The following FADS2 variants were observed in gnomAD, a reference collection of about 807,000 sequenced individuals.
The protein encoded by FADS2 is acyl-CoA 6-desaturase.
In FADS2, 18 loss-of-function variants were observed where a neutral mutation model predicts 61.2. The ratio of observed to expected loss-of-function variants is 0.29; its 90% CI spans 0.20 to 0.44. The LOEUF (loss-of-function observed/expected upper bound fraction) is 0.44, where lower values mean the gene tolerates loss of function less well. Ranked by LOEUF, FADS2 falls within the 20% of genes least tolerant of loss-of-function variation. FADS2 has a pLI of 1.00. For missense variants in FADS2, 322 were observed against 572.7 expected (o/e 0.56, Z 4.47); for synonymous variants, 203 against 223.9 (o/e 0.91, Z 0.83).
intron 10 of FADS2, among the ~76,000 whole-genome samples, chr11:61,864,520 C>T (rs1006748551): frequency 6.6e-6 from 1 of 152,052 alleles, no homozygotes; most frequent in Non-Finnish European, 1.5e-5. Context: ...CAGCCTCCCA[C>T]GTAGCTGGGA....
At chr11:61,861,985 G>A (rs1423710124) in intron 7 of FADS2, 1 of 152,278 alleles carries the variant, frequency 6.6e-6, no homozygotes, top group African/African-American at 2.4e-5. Flanking sequence ...CGTTTGAAGT[G>A]AGACAGGGCA....
At position 61,845,030 on chromosome 11, in the gene FADS2, C is replaced by CTTT. The variant is rs71046747; in HGVS notation, c.619-3100_619-3098dup. On this transcript the variant is annotated intron_variant, in intron 4 of 11. Coordinates refer to ENST00000278840, the MANE Select transcript of FADS2 (RefSeq NM_004265.4). ...TGTTTCCATTAAAGCCAGAAGTGCA[C>CTTT]TTTTTTTTTTTTTTTTTTTTTTTTT... Among the ~76,000 whole-genome samples the CTTT allele has an allele frequency of 9.5e-4, 42 of 44,164 alleles. 15 individuals are homozygous for CTTT. The highest frequency in any genetic ancestry group is 3.4e-3 in the African/African-American group (39 of 11,492). The allele number at this position is 44,164 out of a possible 152,430, so 29.0% of individuals were successfully genotyped here.
At chr11:61,840,790 T>C in intron 4 of FADS2, 65 bp downstream of exon 4, 1 of 1,217,106 alleles carries the variant, frequency 8.2e-7, no homozygotes. Context: ...GGACCAGGAT[T>C]CCTCTCTGCT....
Position 61,828,549 on chromosome 11 carries a change from C to T in FADS2, c.159C>T (p.His53=). The change falls in exon 1 of 12, where the codon CAC becomes CAT. Residue 53 remains histidine, a synonymous_variant. Transcript: ENST00000278840. This position sits in a 1 kb window ranked among gnomAD's most constrained non-coding sequence, Gnocchi z 6.4. ...VYNITKWSIQ[H]PGGQRVIGHY... is the part of the protein sequence containing the mutation. ...ACATCACCAAATGGTCCATCCAGCA[C>T]CCGGGGGGCCAGCGGGTCATCGGGC... 6.2e-7 allele frequency: 1 copy of T among 1,614,028 alleles called. No homozygotes were observed. The highest frequency in any genetic ancestry group is 1.1e-5 in the South Asian group (1 of 91,044).
intron 5 of FADS2, among the ~76,000 whole-genome samples, chr11:61,852,075 T>G (rs912580338): frequency 3.3e-5 from 5 of 152,166 alleles, no homozygotes; most frequent in Non-Finnish European, 7.3e-5. Context: ...TGAGGTGGCA[T>G]TGCTTCTTCA....
At chr11:61,861,694 A>G (rs174617) in intron 7 of FADS2, among the ~76,000 whole-genome samples, 78,206 of 152,138 alleles carry the variant, frequency 0.51, 20,871 homozygotes, top group Admixed American at 0.62. Context: ...GGCCATCTCC[A>G]GCCTCTCCTG....
chr11:61,850,233 T>A (rs2067294071), intron 5 of FADS2, among the ~76,000 whole-genome samples: 1 of 152,032 alleles, frequency 6.6e-6, no homozygotes, highest in South Asian at 2.1e-4. Context: ...CAGTAGTTCA[T>A]AATTTCTTTC....
In FADS2 at chr11:61,828,313, T is replaced by C; in HGVS notation, c.-78T>C. On this transcript the variant is annotated 5_prime_UTR_variant, in exon 1 of 12. Transcript: ENST00000278840. This position sits in a 1 kb window ranked among gnomAD's most constrained non-coding sequence, Gnocchi z 6.4. ...GAGGGCCCGGGCTGCACACACCGGC[T>C]GGGAGGCAGCCGTCTGTGCAGCGAG... 1 of 1,520,828 alleles carries C rather than the reference T, an allele frequency of 6.6e-7. No individual in the cohort carries two copies. The highest frequency in any genetic ancestry group is 8.8e-7 in the Non-Finnish European group (1 of 1,134,558). The allele number at this position is 1,520,828 out of a possible 1,614,324, so 94.2% of individuals were successfully genotyped here. A position where few individuals can be genotyped will look rare whatever the true frequency, so the allele number is the denominator to read the frequency against.
intron 4 of FADS2, among the ~76,000 whole-genome samples, chr11:61,842,193 G>T (rs778112668): frequency 6.6e-6 from 1 of 152,102 alleles, no homozygotes; most frequent in South Asian, 2.1e-4. Flanking sequence ...TTGGCTTGCC[G>T]GCTGCAGATC....
chr11:61,825,976 C>T, upstream of FADS2: 1 of 674,130 alleles, frequency 1.5e-6, no homozygotes, highest in Non-Finnish European at 2.7e-6. Context: ...ATTCAGGCCT[C>T]CCCTCCCCTC....
At chr11:61,821,144 A>G (rs902758693) in intron 1 of FADS2, among the ~76,000 whole-genome samples, 1 of 152,138 alleles carries the variant, frequency 6.6e-6, no homozygotes, top group Non-Finnish European at 1.5e-5. Flanking sequence ...TGAATCACAT[A>G]CTTAATTTTA....
chr11:61,852,239 C>T (rs982728984), intron 5 of FADS2, among the ~76,000 whole-genome samples: 2 of 152,096 alleles, frequency 1.3e-5, no homozygotes, highest in Non-Finnish European at 2.9e-5. Context: ...GTGCCTTTCC[C>T]CTTCTCTTTC....
At chr11:61,860,313 G>A (rs2067402441) in intron 7 of FADS2, among the ~76,000 whole-genome samples, 3 of 152,220 alleles carry the variant, frequency 2.0e-5, no homozygotes, top group African/African-American at 7.2e-5. Context: ...TGGCTTAGAG[G>A]AAAGAGGTGA....
In FADS2 at chr11:61,857,235, T is replaced by C. The variant is rs540086515; in HGVS notation, c.805+164T>C. Among the ~76,000 whole-genome samples the C allele has an allele frequency of 1.1e-3, 164 of 152,202 alleles. 1 individual carries two copies. Among genetic ancestry groups the C allele is most frequent in the African/African-American group, 3.5e-3 (145 of 41,532 alleles). Reference sequence around the variant, plus strand: ...TGCTGTGCAGACCCCTCAGCCTGTGTTACAGGCCTGATGGGGACACAGAGG... The same window carrying C: ...TGCTGTGCAGACCCCTCAGCCTGTGCTACAGGCCTGATGGGGACACAGAGG... On this transcript the variant is annotated intron_variant, in intron 6 of 11. Transcript: ENST00000278840.
intron 4 of FADS2, among the ~76,000 whole-genome samples, chr11:61,844,069 T>A (rs922279230): frequency 1.3e-5 from 2 of 152,212 alleles, no homozygotes; most frequent in African/African-American, 4.8e-5. Flanking sequence ...TGGAAAAACA[T>A]GCAACCCTCT....
At chr11:61,844,168 A>G (rs926823653) in intron 4 of FADS2, among the ~76,000 whole-genome samples, 2 of 152,224 alleles carry the variant, frequency 1.3e-5, no homozygotes, top group Non-Finnish European at 2.9e-5. Flanking sequence ...GAAGAAGTTG[A>G]TGTATTAAAA....
upstream of FADS2, chr11:61,828,049 G>A: frequency 1.7e-6 from 2 of 1,180,986 alleles, no homozygotes; most frequent in Non-Finnish European, 2.1e-6. This position sits in a 1 kb window ranked among gnomAD's most constrained non-coding sequence, Gnocchi z 6.4. Flanking sequence ...CGAGGCGGGG[G>A]GAGCCGGAGG....
At chr11:61,818,939 C>G (rs2067012236) in intron 1 of FADS2, among the ~76,000 whole-genome samples, 1 of 151,828 alleles carries the variant, frequency 6.6e-6, no homozygotes, top group South Asian at 2.1e-4. Context: ...GGCCTGATCT[C>G]AGCTTGCTGC....
intron 5 of FADS2, among the ~76,000 whole-genome samples, chr11:61,850,923 C>T (rs1289642936): frequency 6.6e-6 from 1 of 152,170 alleles, no homozygotes; most frequent in Non-Finnish European, 1.5e-5. Flanking sequence ...CTGGTTTGTA[C>T]ACCCTCTTCT....
Sources: allele counts gnomAD v4.1 joint callset (sites outside exome capture counted in the v4.1 genomes callset), GRCh38; gene constraint gnomAD v4.1.1; non-coding constraint Gnocchi (gnomAD v3.1); transcripts MANE v1.5; gene names NCBI Gene and HGNC (gene_info 2026-07-23, HGNC 2026-07-21).